PCDH11Y: variants seen among roughly 807,000 people sequenced by gnomAD.
PCDH11Y encodes protocadherin-11 Y-linked.
For missense variants in PCDH11Y, 12 were observed against 224.8 expected (o/e 0.05, Z 6.05); for synonymous variants, 9 against 83.6 (o/e 0.11, Z 4.87).
intron 4 of PCDH11Y, among the ~76,000 whole-genome samples, chrY:5,712,822 C>T (rs2124713206): frequency 1.6e-4 from 5 of 31,788 alleles, no homozygotes; most frequent in African/African-American, 6.1e-4. Flanking sequence ...GGGCAAGAAT[C>T]TGTGCCCATG....
At chrY:5,015,138 C>T (rs2124619027) in intron 1 of PCDH11Y, among the ~76,000 whole-genome samples, 9 of 33,584 alleles carry the variant, frequency 2.7e-4, no homozygotes, top group Admixed American at 5.5e-4. Context: ...GATATTTATT[C>T]GTGAATGTTT....
intron 1 of PCDH11Y, among the ~76,000 whole-genome samples, chrY:5,080,540 T>C: frequency 9.1e-5 from 3 of 32,884 alleles, no homozygotes; most frequent in African/African-American, 3.6e-4. Context: ...GGAATCTGTA[T>C]TTTGTGGACA....
intron 2 of PCDH11Y, among the ~76,000 whole-genome samples, chrY:5,433,514 G>T (rs2053270872): frequency 3.0e-5 from 1 of 33,809 alleles, no homozygotes; most frequent in Non-Finnish European, 7.3e-5. Flanking sequence ...TTGAACTTAA[G>T]GTTTTAGACA....
At chrY:5,024,343 G>A (rs2052575520) in intron 1 of PCDH11Y, among the ~76,000 whole-genome samples, 2 of 33,065 alleles carry the variant, frequency 6.0e-5, no homozygotes, top group South Asian at 1.3e-3. Context: ...TGTTGGAGAA[G>A]TCTTTATGAA....
intron 2 of PCDH11Y, among the ~76,000 whole-genome samples, chrY:5,246,071 C>T (rs2052995239): frequency 3.2e-5 from 1 of 31,256 alleles, no homozygotes; most frequent in African/African-American, 1.3e-4. Context: ...CTGAGAAATA[C>T]GGGGCAATGT....
chrY:5,108,058 CAA>C (rs200095539), downstream of PCDH11Y, among the ~76,000 whole-genome samples: 15 of 7,294 alleles, frequency 2.1e-3, no homozygotes, highest in African/African-American at 7.2e-3. Flanking sequence ...GAGGCTGTCT[CAA>C]AAAAAAAAAA....
intron 4 of PCDH11Y, among the ~76,000 whole-genome samples, chrY:5,724,096 A>G (rs2124714400): frequency 2.9e-5 from 1 of 33,928 alleles, no homozygotes; most frequent in South Asian, 6.5e-4. Flanking sequence ...AGAAGACTCA[A>G]ACAGCACTCT....
chrY:5,091,363 A>T, intron 1 of PCDH11Y, among the ~76,000 whole-genome samples: 1 of 33,557 alleles, frequency 3.0e-5, no homozygotes, highest in African/African-American at 1.1e-4. Flanking sequence ...CTAGTAAAAA[A>T]TGATTGGTTC....
intron 4 of PCDH11Y, among the ~76,000 whole-genome samples, chrY:5,618,655 CA>C (rs2053496516): frequency 5.2e-4 from 11 of 21,312 alleles, no homozygotes; most frequent in Admixed American, 4.9e-3. Flanking sequence ...AAAAAAAAAA[CA>C]AAAAAACAGT....
chrY:5,214,987 A>G, intron 2 of PCDH11Y, among the ~76,000 whole-genome samples: 1 of 31,944 alleles, frequency 3.1e-5, no homozygotes, highest in Non-Finnish European at 7.6e-5. Flanking sequence ...TTCTTCCCAA[A>G]TAATTCTAAC....
chrY:5,243,600 G>A, intron 2 of PCDH11Y, among the ~76,000 whole-genome samples: 2 of 27,567 alleles, frequency 7.3e-5, no homozygotes, highest in Admixed American at 6.0e-4. Context: ...CTGAGGGATC[G>A]AGACAACTGG....
At chrY:5,007,595 A>G (rs2124617625) in intron 1 of PCDH11Y, among the ~76,000 whole-genome samples, 5 of 15,162 alleles carry the variant, frequency 3.3e-4, no homozygotes, top group Admixed American at 1.4e-3. Context: ...CTTTATTTTG[A>G]TTCATTCTTT....
At chrY:5,733,049 G>T (rs2053606667) in intron 4 of PCDH11Y, among the ~76,000 whole-genome samples, 1 of 33,117 alleles carries the variant, frequency 3.0e-5, no homozygotes, top group Non-Finnish European at 7.4e-5. Flanking sequence ...TTATTTCCCG[G>T]ATTGCTTTAG....
At chrY:5,645,277 C>T in intron 4 of PCDH11Y, among the ~76,000 whole-genome samples, 2 of 32,729 alleles carry the variant, frequency 6.1e-5, no homozygotes, top group Non-Finnish European at 1.5e-4. Context: ...GAGTATCTGC[C>T]CTTAAAATAA....
At chrY:5,008,688 G>A (rs2124617710) in intron 1 of PCDH11Y, among the ~76,000 whole-genome samples, 3 of 32,155 alleles carry the variant, frequency 9.3e-5, no homozygotes, top group East Asian at 8.2e-4. Context: ...GGCTCTGCAC[G>A]TATTATCAAT....
At chrY:5,411,889 G>A in intron 2 of PCDH11Y, among the ~76,000 whole-genome samples, 2 of 32,333 alleles carry the variant, frequency 6.2e-5, no homozygotes, top group Non-Finnish European at 1.5e-4. Flanking sequence ...AGCTTTTTTC[G>A]TTTTGCCTAG....
intron 2 of PCDH11Y, among the ~76,000 whole-genome samples, chrY:5,256,522 T>G (rs2124657541): frequency 3.0e-5 from 1 of 33,756 alleles, no homozygotes; most frequent in East Asian, 7.7e-4. Context: ...CTTTGTTTAC[T>G]CTGGGTGTTT....
intron 2 of PCDH11Y, among the ~76,000 whole-genome samples, chrY:5,349,936 A>G: frequency 2.9e-5 from 1 of 33,990 alleles, no homozygotes; most frequent in African/African-American, 1.1e-4. Flanking sequence ...AGTCTTCCAT[A>G]TCCAAACACA....
chrY:5,689,059 G>A, intron 4 of PCDH11Y, among the ~76,000 whole-genome samples: 1 of 29,394 alleles, frequency 3.4e-5, no homozygotes, highest in Non-Finnish European at 8.0e-5. Flanking sequence ...TTAGCCATAT[G>A]TGGTGGTGCG....
Sources: allele counts gnomAD v4.1 joint callset (sites outside exome capture counted in the v4.1 genomes callset), GRCh38; gene constraint gnomAD v4.1.1; transcripts MANE v1.5; gene names NCBI Gene and HGNC (gene_info 2026-07-23, HGNC 2026-07-21).